Variants in FAM153A observed in about 807,000 individuals in gnomAD.
The protein encoded by FAM153A is family with sequence similarity 153 member A, also known as protein FAM153A.
A neutral mutation model predicts 48.1 loss-of-function variants in FAM153A; 12 were observed. The ratio of observed to expected loss-of-function variants is 0.25; its 90% CI spans 0.16 to 0.40. FAM153A has a LOEUF of 0.40. Ranked by LOEUF, FAM153A falls within the 10% of genes least tolerant of loss-of-function variation. FAM153A has a pLI of 1.00. For missense variants in FAM153A, 111 were observed against 345.8 expected (o/e 0.32, Z 5.38); for synonymous variants, 36 against 118.2 (o/e 0.30, Z 4.51).
chr5:177,749,499 C>T (rs1359752412), intron 2 of FAM153A, among the ~76,000 whole-genome samples: 1 of 102,524 alleles, frequency 9.8e-6, no homozygotes, highest in African/African-American at 3.8e-5. Context: ...CCTTGCTGAT[C>T]CCATAATCAT....
chr5:177,749,377 A>G (rs1766522413), intron 2 of FAM153A, among the ~76,000 whole-genome samples: 1 of 127,324 alleles, frequency 7.9e-6, no homozygotes, highest in Non-Finnish European at 1.7e-5. Flanking sequence ...AACAAAACCA[A>G]AAGCTGCTTC....
At chr5:177,722,664 TCCTTGGGCCCTGGAAGGTGA>T (rs1761300100), downstream of FAM153A, 2 of 150,212 alleles carry the variant, frequency 1.3e-5, no homozygotes, top group Non-Finnish European at 3.0e-5. Context: ...CTCAGAGACC[TCCTTGGGCCCTGGAAGGTGA>T]CCTGGGGCCC....
intron 1 of FAM153A, among the ~76,000 whole-genome samples, chr5:177,759,175 C>A (rs1768056015): frequency 2.0e-5 from 3 of 151,930 alleles, no homozygotes; most frequent in Admixed American, 6.5e-5. Flanking sequence ...AGAGACACTT[C>A]TCAAAAGAAG....
chr5:177,708,845 A>G (rs745815136), downstream of FAM153A, among the ~76,000 whole-genome samples: 3 of 151,720 alleles, frequency 2.0e-5, no homozygotes, highest in Non-Finnish European at 4.4e-5. Context: ...CTGTAATCCC[A>G]GCACTTTGGG....
At chr5:177,708,010 G>A (rs1320909432), downstream of FAM153A, 1 of 152,002 alleles carries the variant, frequency 6.6e-6, no homozygotes, top group African/African-American at 2.4e-5. Flanking sequence ...CAGTGCTGGG[G>A]GGACATACTG....
chr5:177,697,081 TGTCCC>T, the FAM153A span, among the ~76,000 whole-genome samples: 1 of 151,918 alleles, frequency 6.6e-6, no homozygotes, highest in African/African-American at 2.4e-5. Context: ...TAAATATGGA[TGTCCC>T]CTCATTTATT....
intron 1 of FAM153A, among the ~76,000 whole-genome samples, chr5:177,762,650 T>C (rs1768400569): frequency 6.7e-6 from 1 of 148,878 alleles, no homozygotes; most frequent in South Asian, 2.1e-4. Context: ...TGAGGGTCTG[T>C]TGGGGTGGAG....
chr5:177,782,775 C>G (rs1769812238), upstream of FAM153A: 1 of 87,278 alleles, frequency 1.1e-5, no homozygotes, highest in East Asian at 3.9e-4. Flanking sequence ...ATCCGCGATC[C>G]CGCCTGGTCC....
At chr5:177,751,733 C>T (rs1428091905) in intron 1 of FAM153A, among the ~76,000 whole-genome samples, 23 of 136,002 alleles carry the variant, frequency 1.7e-4, no homozygotes, top group African/African-American at 5.4e-4. Context: ...AAGCGACCTG[C>T]CTAGGGTCAC....
downstream of FAM153A, among the ~76,000 whole-genome samples, chr5:177,704,798 G>A (rs1264084509): frequency 1.3e-5 from 2 of 151,470 alleles, no homozygotes; most frequent in Non-Finnish European, 2.9e-5. Flanking sequence ...TCCGGAGTTC[G>A]AGACCAGCCT....
chr5:177,709,124 A>G (rs1265155969), downstream of FAM153A, among the ~76,000 whole-genome samples: 3 of 139,576 alleles, frequency 2.1e-5, no homozygotes, highest in South Asian at 2.2e-4. Context: ...AAAAAAAAAA[A>G]AAAAAAAAGA....
At chr5:177,760,851 A>G (rs1476676526) in intron 1 of FAM153A, among the ~76,000 whole-genome samples, 1 of 117,172 alleles carries the variant, frequency 8.5e-6, no homozygotes, top group Non-Finnish European at 1.7e-5. Context: ...TGAATGTCCT[A>G]CAAGTGTGTT....
chr5:177,728,767 ATGTC>A (rs1582312330), intron 18 of FAM153A, among the ~76,000 whole-genome samples: 2 of 150,198 alleles, frequency 1.3e-5, no homozygotes, highest in South Asian at 4.2e-4. Context: ...GGGTTTCTCA[ATGTC>A]AGTCAGGCTG....
chr5:177,707,789 G>A (rs531060737), downstream of FAM153A, among the ~76,000 whole-genome samples: 65 of 151,812 alleles, frequency 4.3e-4, 1 homozygote, highest in African/African-American at 1.5e-3. Flanking sequence ...TCAAACTCCT[G>A]ACCTCAGGTG....
At chr5:177,706,985 ATT>A (rs1455284554), downstream of FAM153A, 1 of 152,000 alleles carries the variant, frequency 6.6e-6, no homozygotes, top group Non-Finnish European at 1.5e-5. Flanking sequence ...AAAGAGATCA[ATT>A]CAGCAAGAAG....
chr5:177,706,198 TTG>T (rs1757874228), downstream of FAM153A, among the ~76,000 whole-genome samples: 2 of 150,788 alleles, frequency 1.3e-5, no homozygotes, highest in South Asian at 2.1e-4. Flanking sequence ...GTTTTTTTTG[TTG>T]TTGTTGTTGT....
chr5:177,743,202 T>TG (rs1331695052), intron 6 of FAM153A, among the ~76,000 whole-genome samples: 12 of 35,180 alleles, frequency 3.4e-4, no homozygotes, highest in African/African-American at 1.3e-3. Context: ...TTTTTTTTTG[T>TG]TTTGTTTTTT....
In FAM153A at chr5:177,716,650, A is replaced by T. The variant is rs547776991; in HGVS notation, c.*1152-235T>A. Among the ~76,000 whole-genome samples, 265 of 151,930 alleles carry T rather than the reference A, an allele frequency of 1.7e-3. 1 individual carries two copies. The highest frequency in any genetic ancestry group is 3.0e-3 in the Admixed American group (46 of 15,278). ...ACTAAATATATTGTTTTTAATGACA[A>T]ATAGTCACTATTTAGTAAAATGATT... On this transcript the variant is annotated intron_variant and NMD_transcript_variant, in intron 24 of 26. Transcript: ENST00000360669.
intron 26 of FAM153A, chr5:177,713,638 C>A (rs1758962976): frequency 6.6e-6 from 1 of 151,890 alleles, no homozygotes; most frequent in South Asian, 2.1e-4. Context: ...TATCTCCTGA[C>A]CTCATGATCT....
Sources: gnomAD v4.1 joint callset for allele counts (sites outside exome capture counted in the v4.1 genomes callset) on GRCh38, gnomAD v4.1.1 for gene constraint, MANE v1.5 for transcripts, NCBI Gene and HGNC (gene_info 2026-07-23, HGNC 2026-07-21) for gene names.